LARGE1: variants seen among roughly 807,000 people sequenced by gnomAD.
LARGE1 encodes LARGE xylosyl- and glucuronyltransferase 1, also known as xylosyl- and glucuronyltransferase LARGE1.
LARGE1 carries 43 observed loss-of-function variants against 87.6 expected under a neutral mutation model. The ratio of observed to expected loss-of-function variants is 0.49; its 90% CI spans 0.38 to 0.63. LARGE1 has a LOEUF of 0.63. Ranked by LOEUF, LARGE1 falls within the 30% of genes least tolerant of loss-of-function variation. The pLI is 0.00. For missense variants in LARGE1, 802 were observed against 1,000.2 expected (o/e 0.80, Z 2.67); for synonymous variants, 434 against 394.6 (o/e 1.10, Z -1.18).
At chr22:33,487,202 A>G (rs1410507683) in intron 6 of LARGE1, among the ~76,000 whole-genome samples, 1 of 152,182 alleles carries the variant, frequency 6.6e-6, no homozygotes, top group Non-Finnish European at 1.5e-5. Context: ...CATCTGACGG[A>G]TAATTACTGA....
At chr22:33,178,450 A>T (rs1435385861) in intron 11 of LARGE1, among the ~76,000 whole-genome samples, 1 of 152,200 alleles carries the variant, frequency 6.6e-6, no homozygotes, top group Non-Finnish European at 1.5e-5. Flanking sequence ...CAAGTTATGC[A>T]GAAGGAGGCT....
chr22:33,862,008 G>A (rs977259129), intron 1 of LARGE1, among the ~76,000 whole-genome samples: 3 of 151,766 alleles, frequency 2.0e-5, no homozygotes, highest in Non-Finnish European at 4.4e-5. Context: ...ACAGGCACGC[G>A]CCACCATGCC....
chr22:33,169,171 A>G (rs981169147), intron 11 of LARGE1, among the ~76,000 whole-genome samples: 1 of 152,226 alleles, frequency 6.6e-6, no homozygotes, highest in African/African-American at 2.4e-5. Flanking sequence ...TATGATAAAG[A>G]TTTTAAAAAT....
At chr22:33,446,372 G>A (rs1294502076) in intron 6 of LARGE1, among the ~76,000 whole-genome samples, 1 of 152,192 alleles carries the variant, frequency 6.6e-6, no homozygotes, top group Non-Finnish European at 1.5e-5. Flanking sequence ...GGAACCTGAG[G>A]TGAGTGCTAT....
At chr22:33,454,480 G>A (rs2068053666) in intron 6 of LARGE1, among the ~76,000 whole-genome samples, 1 of 152,024 alleles carries the variant, frequency 6.6e-6, no homozygotes. Context: ...TTAGTCGGGT[G>A]TGGTGGTACG....
At chr22:33,693,420 A>T (rs1364027027) in intron 2 of LARGE1, among the ~76,000 whole-genome samples, 1 of 152,112 alleles carries the variant, frequency 6.6e-6, no homozygotes, top group Non-Finnish European at 1.5e-5. Flanking sequence ...AAAATTAAAA[A>T]GAGGGAGGGA....
intron 1 of LARGE1, among the ~76,000 whole-genome samples, chr22:33,913,170 C>T: frequency 6.6e-6 from 1 of 152,164 alleles, no homozygotes; most frequent in East Asian, 1.9e-4. Context: ...CACACCGCCT[C>T]TCCTGTATAC....
At chr22:33,636,910 G>T (rs1197142794) in intron 3 of LARGE1, among the ~76,000 whole-genome samples, 1 of 152,104 alleles carries the variant, frequency 6.6e-6, no homozygotes, top group Non-Finnish European at 1.5e-5. Flanking sequence ...TGTAAGTAAT[G>T]GGTATGTATC....
intron 9 of LARGE1, among the ~76,000 whole-genome samples, chr22:33,355,692 C>G (rs1319605577): frequency 1.7e-5 from 1 of 59,544 alleles, no homozygotes; most frequent in Non-Finnish European, 6.3e-5. Flanking sequence ...CTCCGGCTTT[C>G]TGAGGCCCAG....
intron 8 of LARGE1, among the ~76,000 whole-genome samples, chr22:33,383,818 A>G (rs1160278590): frequency 6.6e-6 from 1 of 152,192 alleles, no homozygotes; most frequent in Admixed American, 6.5e-5. Context: ...CCCAGAGAGC[A>G]GGCCCTGTGC....
At chr22:33,296,989 C>T (rs1432495124) in intron 12 of LARGE1, among the ~76,000 whole-genome samples, 2 of 152,184 alleles carry the variant, frequency 1.3e-5, no homozygotes, top group Admixed American at 6.5e-5. Context: ...GGGCTCATAA[C>T]AGTGCTTGGC....
chr22:33,559,327 A>G (rs1413090548), intron 6 of LARGE1, among the ~76,000 whole-genome samples: 1 of 152,192 alleles, frequency 6.6e-6, no homozygotes, highest in Non-Finnish European at 1.5e-5. Flanking sequence ...GATTACAGGC[A>G]CACACCACCA....
In LARGE1 at chr22:33,796,083, C is replaced by A. The variant is rs140208285; in HGVS notation, c.-82-34525G>T. Among the ~76,000 whole-genome samples the A allele has an allele frequency of 7.8e-3, 1,189 of 151,910 alleles. 19 individuals carry two copies. Among genetic ancestry groups the A allele is most frequent in the African/African-American group, 0.027 (1,127 of 41,424 alleles). Reference sequence around the variant, plus strand: ...TTGCTATTTCTAAACTGACTTGATGCAAGTCAATTGACATCTCTGGGCCTC... The same window carrying A: ...TTGCTATTTCTAAACTGACTTGATGAAAGTCAATTGACATCTCTGGGCCTC... On this transcript the variant is annotated intron_variant, in intron 1 of 14. Transcript: ENST00000397394.
intron 6 of LARGE1, among the ~76,000 whole-genome samples, chr22:33,461,855 C>T (rs1330428670): frequency 6.6e-6 from 1 of 152,042 alleles, no homozygotes; most frequent in South Asian, 2.1e-4. Flanking sequence ...AAAATGATGC[C>T]CATGGCCTAT....
chr22:33,503,551 A>G (rs2070610875), intron 6 of LARGE1, among the ~76,000 whole-genome samples: 1 of 152,184 alleles, frequency 6.6e-6, no homozygotes, highest in Non-Finnish European at 1.5e-5. Flanking sequence ...ACAATAATTA[A>G]GCACTTTGGG....
At chr22:33,561,096 G>A (rs1467305171) in intron 6 of LARGE1, among the ~76,000 whole-genome samples, 1 of 152,238 alleles carries the variant, frequency 6.6e-6, no homozygotes, top group Non-Finnish European at 1.5e-5. Context: ...TTACAGGCGT[G>A]AGCCATCAGT....
At chr22:33,557,408 G>A (rs2077722872) in intron 6 of LARGE1, among the ~76,000 whole-genome samples, 1 of 152,148 alleles carries the variant, frequency 6.6e-6, no homozygotes, top group Non-Finnish European at 1.5e-5. Context: ...GAGAGGCAGA[G>A]AAAGCAGGAG....
chr22:33,409,550 A>G lies in LARGE1; in HGVS notation c.892+22611T>C, dbSNP rs923401976. Among the ~76,000 whole-genome samples the G allele has an allele frequency of 1.3e-4, 20 of 152,314 alleles. 1 individual carries two copies. The East Asian group carries it at 3.9e-3, about 29-fold the overall frequency. ...CTAGGATTCTTTTACCCACTGAAGC[A>G]TCCCCAGAGTCCAGCATGGGGTGTG... On this transcript the variant is annotated intron_variant, in intron 7 of 14. Transcript: ENST00000397394.
chr22:33,303,968 C>G (rs1208237688), intron 12 of LARGE1, among the ~76,000 whole-genome samples: 1 of 152,242 alleles, frequency 6.6e-6, no homozygotes, highest in Non-Finnish European at 1.5e-5. Context: ...AAGCAATAGA[C>G]TGGCAGACAA....
Sources: allele counts gnomAD v4.1 joint callset (sites outside exome capture counted in the v4.1 genomes callset), GRCh38; gene constraint gnomAD v4.1.1; transcripts MANE v1.5; gene names NCBI Gene and HGNC (gene_info 2026-07-23, HGNC 2026-07-21).